Variants in KBTBD11 observed in about 807,000 individuals in gnomAD.
The protein encoded by KBTBD11 is kelch repeat and BTB domain-containing protein 11.
For synonymous variants in KBTBD11, 747 were observed against 499.0 expected (o/e 1.50, Z -6.63); for missense variants, 1,390 against 1,001.8 (o/e 1.39, Z -5.23).
At chr8:1,986,928 T>C (rs1245628822) in intron 1 of KBTBD11, among the ~76,000 whole-genome samples, 1 of 147,926 alleles carries the variant, frequency 6.8e-6, no homozygotes, top group African/African-American at 2.5e-5. Flanking sequence ...ATCTCAGCTC[T>C]TCAGGAGGCT....
At chr8:1,976,117 G>C (rs1312447466) in intron 1 of KBTBD11, 1 of 152,196 alleles carries the variant, frequency 6.6e-6, no homozygotes, top group Non-Finnish European at 1.5e-5. Flanking sequence ...CCAAGGCTGT[G>C]ATCAAGGAGG....
chr8:2,001,967 A>G lies in KBTBD11; in HGVS notation c.775A>G (p.Met259Val). The G allele has an allele frequency of 6.8e-7, 1 of 1,470,700 alleles. No homozygotes were observed. Among genetic ancestry groups the G allele is most frequent in the African/African-American group, 1.5e-5 (1 of 67,950 alleles). The allele number at this position is 1,470,700 out of a possible 1,614,324, so 91.1% of individuals were successfully genotyped here. ...NELRDAAYCFMSDHYLEVLRE... is the reference protein window; with the variant it reads ...NELRDAAYCFVSDHYLEVLRE... ...GCTGCGCGACGCCGCCTACTGCTTCATGAGCGACCACTATCTGGAGGTGCT... is the reference window on the plus strand; with the variant it reads ...GCTGCGCGACGCCGCCTACTGCTTCGTGAGCGACCACTATCTGGAGGTGCT... The change falls in exon 2 of 2, where the codon ATG becomes GTG. Residue 259 changes from methionine to valine, a missense_variant. Met to Val is a conservative substitution (Grantham distance 21). Coordinates refer to ENST00000320248, the MANE Select transcript of KBTBD11 (RefSeq NM_014867.3).
intron 1 of KBTBD11, among the ~76,000 whole-genome samples, chr8:1,996,160 T>C (rs1243355382): frequency 6.6e-6 from 1 of 152,254 alleles, no homozygotes; most frequent in African/African-American, 2.4e-5. Flanking sequence ...GGCATCTTTC[T>C]GGTGCTGATG....
At chr8:1,975,323 A>G (rs1009819391) in intron 1 of KBTBD11, 2 of 152,292 alleles carry the variant, frequency 1.3e-5, no homozygotes, top group Non-Finnish European at 2.9e-5. Flanking sequence ...GATGTTGCTT[A>G]CATTATAGTG....
rs368355275 is a variant in KBTBD11, at chr8:2,003,393, G to C, written c.*329G>C. 16 of 253,444 alleles carry C rather than the reference G, an allele frequency of 6.3e-5. No individual in the cohort carries two copies. The East Asian group carries it at 1.0e-3, about 16-fold the overall frequency. The allele number at this position is 253,444 out of a possible 1,614,324, so 15.7% of individuals were successfully genotyped here. A position where few individuals can be genotyped will look rare whatever the true frequency, so the allele number is the denominator to read the frequency against. On this transcript the variant is annotated 3_prime_UTR_variant, in exon 2 of 2. Coordinates refer to ENST00000320248, the MANE Select transcript of KBTBD11 (RefSeq NM_014867.3). ...TGAGGCAGCCTGCAGCCGGCCCCGG[G>C]GTGTCCCGAACCCCGCAGAGCACCG...
intron 1 of KBTBD11, among the ~76,000 whole-genome samples, chr8:1,980,631 A>G (rs967854611): frequency 6.6e-6 from 1 of 152,192 alleles, no homozygotes; most frequent in Non-Finnish European, 1.5e-5. Context: ...GGGCTGTGGC[A>G]TGGCCGGGTT....
chr8:2,001,455 C>G lies in KBTBD11; in HGVS notation c.263C>G (p.Pro88Arg), dbSNP rs1311390144. Residue 88 changes from proline to arginine, a missense_variant, in exon 2 of 2, where the codon CCG (proline) becomes CGG (arginine). Transcript: ENST00000320248. ...GCCGGCAGCGCGGGCGCCGCGTCCC[C>G]GGAGGAGCTCGCGTCCCCTGAGGAG... Reference protein sequence around the residue: ...WEAGSAGAASPEELASPEERA... With the variant: ...WEAGSAGAASREELASPEERA... 1 of 1,360,928 alleles carries G rather than the reference C, an allele frequency of 7.3e-7. No homozygotes were observed. Among genetic ancestry groups the G allele is most frequent in the Non-Finnish European group, 9.4e-7 (1 of 1,065,428 alleles). 84.3% of individuals were successfully genotyped at this position (1,360,928 alleles called of 1,614,324 possible).
chr8:1,986,778 A>C (rs1394465388), intron 1 of KBTBD11, among the ~76,000 whole-genome samples: 1 of 152,242 alleles, frequency 6.6e-6, no homozygotes, highest in Admixed American at 6.5e-5. Context: ...TATTTCAAAC[A>C]CCATAATGCA....
At chr8:1,998,314 G>A (rs1159416762) in intron 1 of KBTBD11, among the ~76,000 whole-genome samples, 1 of 152,158 alleles carries the variant, frequency 6.6e-6, no homozygotes, top group Non-Finnish European at 1.5e-5. Flanking sequence ...GGGCACTGTG[G>A]GCTGCTTTCT....
intron 1 of KBTBD11, among the ~76,000 whole-genome samples, chr8:1,989,227 T>A (rs763677992): frequency 1.1e-4 from 17 of 152,238 alleles, no homozygotes; most frequent in Non-Finnish European, 1.6e-4. Flanking sequence ...CAACGTGTTC[T>A]CAGTTTCCAC....
Position 2,001,216 on chromosome 8 carries a change from C to T in KBTBD11, c.24C>T (p.Cys8=), listed in dbSNP as rs111590613. 11 of 1,410,302 alleles carry T rather than the reference C, an allele frequency of 7.8e-6. No individual in the cohort carries two copies. The highest frequency in any genetic ancestry group is 2.7e-5 in the Admixed American group (1 of 36,602). 87.4% of individuals were successfully genotyped at this position (1,410,302 alleles called of 1,614,324 possible). The change falls in exon 2 of 2, where the codon TGC becomes TGT. Residue 8 remains cysteine, a synonymous_variant. Coordinates refer to ENST00000320248, the MANE Select transcript of KBTBD11 (RefSeq NM_014867.3). Reference sequence around the variant, plus strand: ...CCATGGAGCACGCGGTGGCCCCCTGCGTCCTCTACCCAGGGACTGAGCCCG... The same window carrying T: ...CCATGGAGCACGCGGTGGCCCCCTGTGTCCTCTACCCAGGGACTGAGCCCG... MEHAVAP[C]VLYPGTEPGA... is the part of the protein sequence containing the mutation.
rs1437829018 is a variant in KBTBD11 at position 1,973,888 on chromosome 8, C to T, written c.-956C>T. On this transcript the variant is annotated 5_prime_UTR_variant, in exon 1 of 2. Transcript: ENST00000320248. The stretch of plus-strand genomic sequence containing the variant: ...GCGCGCATGCGCCGGAGCCCACCCG[C>T]CTGGCTGCGCGTCCCGGGCCCGGCG... 3.1e-6 allele frequency: 3 copies of T among 982,876 alleles called. No individual in the cohort carries two copies. Among genetic ancestry groups the T allele is most frequent in the Non-Finnish European group, 3.6e-6 (3 of 828,978 alleles). 60.9% of individuals were successfully genotyped at this position (982,876 alleles called of 1,614,324 possible).
intron 1 of KBTBD11, among the ~76,000 whole-genome samples, chr8:1,985,617 C>G (rs961869845): frequency 2.0e-5 from 3 of 152,238 alleles, no homozygotes; most frequent in Admixed American, 2.0e-4. Flanking sequence ...ACCCCGAACA[C>G]GCTACAGTCG....
intron 1 of KBTBD11, among the ~76,000 whole-genome samples, chr8:1,984,489 G>A (rs529840969): frequency 5.9e-5 from 9 of 151,962 alleles, no homozygotes; most frequent in African/African-American, 2.2e-4. Flanking sequence ...GGGTTTTACC[G>A]TGTTAGGCAG....
chr8:1,987,725 T>TTTATTATTATTATTA (rs10628962), intron 1 of KBTBD11, among the ~76,000 whole-genome samples: 375 of 149,312 alleles, frequency 2.5e-3, no homozygotes, highest in South Asian at 6.0e-3. Flanking sequence ...TTTTGGAGCC[T>TTTATTATTATTATTA]TTATTATTAT....
intron 1 of KBTBD11, among the ~76,000 whole-genome samples, chr8:1,980,256 C>T (rs1375723907): frequency 4.3e-5 from 4 of 92,768 alleles, no homozygotes; most frequent in African/African-American, 1.2e-4. Context: ...GAGATGGGGT[C>T]TTGCTCTGTC....
chr8:1,976,137 T>G (rs1382449806), intron 1 of KBTBD11: 1 of 152,190 alleles, frequency 6.6e-6, no homozygotes, highest in Admixed American at 6.5e-5. Context: ...GACTGGTGTC[T>G]GAGTGGGCTT....
intron 1 of KBTBD11, among the ~76,000 whole-genome samples, chr8:1,995,202 C>A (rs964824785): frequency 2.0e-5 from 3 of 151,920 alleles, no homozygotes; most frequent in African/African-American, 7.3e-5. Context: ...CTGTAGACAC[C>A]CTCCCCATTT....
Position 2,001,531 on chromosome 8 carries a change from G to C in KBTBD11, c.339G>C (p.Trp113Cys). 2.1e-6 allele frequency: 3 copies of C among 1,432,324 alleles called. No individual in the cohort carries two copies. The highest frequency in any genetic ancestry group is 2.7e-6 in the Non-Finnish European group (3 of 1,098,412). The allele number at this position is 1,432,324 out of a possible 1,614,324, so 88.7% of individuals were successfully genotyped here. A position where few individuals can be genotyped will look rare whatever the true frequency, so the allele number is the denominator to read the frequency against. ...PAAPSPEPRV[W>C]LEDPASPEEP... ...CGCCGTCCCCCGAACCGCGCGTTTGGCTTGAGGACCCCGCGTCCCCCGAGG... is the reference window on the plus strand; with the variant it reads ...CGCCGTCCCCCGAACCGCGCGTTTGCCTTGAGGACCCCGCGTCCCCCGAGG... Residue 113 changes from tryptophan to cysteine, a missense_variant, in exon 2 of 2, where the codon TGG becomes TGC. By Grantham distance (215) the Trp-to-Cys change is radical. Transcript: ENST00000320248.
Sources: allele counts gnomAD v4.1 joint callset (sites outside exome capture counted in the v4.1 genomes callset), GRCh38; gene constraint gnomAD v4.1.1; transcripts MANE v1.5; gene names NCBI Gene and HGNC (gene_info 2026-07-23, HGNC 2026-07-21).